Variants in TRIM51 observed in about 807,000 individuals in gnomAD.
The protein encoded by TRIM51 is tripartite motif-containing 51, also known as tripartite motif-containing protein 51.
Under a neutral mutation model 32.7 loss-of-function variants are expected in TRIM51, and 23 were observed. That is an observed-to-expected ratio of 0.70 (90% CI 0.51 to 1.00). TRIM51 has a LOEUF of 1.00. Ranked by LOEUF, TRIM51 falls within the 50% of genes least tolerant of loss-of-function variation. The pLI is 0.00. For synonymous variants in TRIM51, 177 were observed against 181.9 expected (o/e 0.97, Z 0.22); for missense variants, 592 against 539.2 (o/e 1.10, Z -0.97).
chr11:55,887,243 C>T (rs138722707), intron 3 of TRIM51, among the ~76,000 whole-genome samples: 1,653 of 151,678 alleles, frequency 0.011, 32 homozygotes, highest in African/African-American at 0.038. Context: ...TGTATATCCT[C>T]CTGTTTGCCT....
rs778576433 is a variant in TRIM51, at chr11:55,888,065, G to C, written c.541G>C (p.Ala181Pro). 2 of 1,612,774 alleles carry C rather than the reference G, an allele frequency of 1.2e-6. No individual in the cohort carries two copies. Among genetic ancestry groups the C allele is most frequent in the Non-Finnish European group, 8.5e-7 (1 of 1,178,932 alleles). The change falls in exon 4 of 7, where the codon GCT (alanine) becomes CCT (proline). Residue 181 changes from alanine (A) to proline (P), a missense_variant. Ala to Pro is a conservative substitution (Grantham distance 27). Coordinates refer to ENST00000449290, the MANE Select transcript of TRIM51 (RefSeq NM_032681.4). Reference protein sequence around the residue: ...YVSLRIEAIRAEYQKMPAFLH... With the variant: ...YVSLRIEAIRPEYQKMPAFLH... ...GAGTTTAAGGATAGAAGCAATCAGA[G>C]CTGAATATCAGAAGATGCCTGCATT...
rs1420922232 is a variant in TRIM51, at chr11:55,891,365, G to A, written c.1092G>A (p.Glu364=). The stretch of plus-strand genomic sequence containing the variant: ...GTGTCTGTAACAATTATTGGAAAGA[G>A]AAGAGACAGAATGACAAGATAGATG... ...AFGVCNNYWK[E]KRQNDKIDGE... Residue 364 remains glutamate, a synonymous_variant, in exon 7 of 7, where the codon GAG becomes GAA. Transcript: ENST00000449290. The A allele has an allele frequency of 1.2e-6, 2 of 1,612,110 alleles. No homozygotes were observed. The highest frequency in any genetic ancestry group is 2.2e-5 in the East Asian group (1 of 44,876).
At position 55,885,690 on chromosome 11, in the gene TRIM51, T is replaced by G; in HGVS notation, c.262T>G (p.Ser88Ala). Reference protein sequence around the residue: ...RKASLRQFLSSEEQICGMHRE... With the variant: ...RKASLRQFLSAEEQICGMHRE... ...AGCCAGCCTCCGGCAATTCCTTAGC[T>G]CTGAGGAGCAAATATGTGGGATGCA... Residue 88 changes from serine to alanine, a missense_variant, in exon 2 of 7, where the codon TCT becomes GCT. Coordinates refer to ENST00000449290, the MANE Select transcript of TRIM51 (RefSeq NM_032681.4). 6.2e-7 allele frequency: 1 copy of G among 1,611,424 alleles called. No individual in the cohort carries two copies. The highest frequency in any genetic ancestry group is 8.5e-7 in the Non-Finnish European group (1 of 1,179,572).
At chr11:55,887,462 G>C (rs962532250) in intron 3 of TRIM51, among the ~76,000 whole-genome samples, 1 of 151,602 alleles carries the variant, frequency 6.6e-6, no homozygotes, top group Non-Finnish European at 1.5e-5. Flanking sequence ...AATAATTCTA[G>C]GTATAGAAAA....
chr11:55,884,518 A>T (rs1247470277), intron 1 of TRIM51, among the ~76,000 whole-genome samples: 1 of 151,986 alleles, frequency 6.6e-6, no homozygotes, highest in Non-Finnish European at 1.5e-5. Context: ...CAGGAGAAAG[A>T]GAGGAAACTG....
intron 2 of TRIM51, 131 bp downstream of exon 2, chr11:55,885,970 C>G (rs1413176090): frequency 2.0e-6 from 3 of 1,501,880 alleles, no homozygotes; most frequent in Non-Finnish European, 1.8e-6. Context: ...TCCTTGACTT[C>G]ACACCTCTCA....
chr11:55,885,802 T>G lies in TRIM51; in HGVS notation c.374T>G (p.Ile125Arg), dbSNP rs746970329. The change falls in exon 2 of 7, where the codon ATA becomes AGA. Residue 125 changes from isoleucine (I) to arginine (R), a missense_variant. Coordinates refer to ENST00000449290, the MANE Select transcript of TRIM51 (RefSeq NM_032681.4). ...AACTCTCAGGAGCACCGGAATCACA[T>G]ACACTGTCCCATTGAGTGGGCTGCT... ...CSNSQEHRNH[I>R]HCPIEWAAEE... 1.1e-4 allele frequency: 170 copies of G among 1,611,492 alleles called. 1 individual carries two copies. Among genetic ancestry groups the G allele is most frequent in the African/African-American group, 3.6e-4 (27 of 74,818 alleles).
chr11:55,891,265 G>A lies in TRIM51; in HGVS notation c.992G>A (p.Trp331Ter). ...GGAAAATCTGAATGTTTTCTTGTAT[G>A]GGGGGCTCAGGCTTTCACATCTGGC... is the stretch of plus-strand genomic sequence containing the variant. ...ITGKSECFLV[W>*]GAQAFTSGKY... The change falls in exon 7 of 7, where the codon TGG becomes TAG. Residue 331 changes from tryptophan (W) to a stop codon, truncating the protein, a stop_gained. Transcript: ENST00000449290. LOFTEE classifies it low-confidence loss of function (END_TRUNC). 1 of 1,609,182 alleles carries A rather than the reference G, an allele frequency of 6.2e-7. No homozygotes were observed. Among genetic ancestry groups the A allele is most frequent in the Non-Finnish European group, 8.5e-7 (1 of 1,179,702 alleles).
At chr11:55,888,833 G>A (rs530397850) in intron 4 of TRIM51, 146 bp from the exon 5 acceptor site, 2 of 768,686 alleles carry the variant, frequency 2.6e-6, no homozygotes, top group South Asian at 1.5e-5. Context: ...GGATTGTCAT[G>A]AGAAAAGAAA....
chr11:55,889,913 A>T (rs763490413), intron 5 of TRIM51, 29 bp from the exon 6 acceptor site: 3 of 1,524,186 alleles, frequency 2.0e-6, no homozygotes, highest in Non-Finnish European at 2.7e-6. Context: ...TTGGCTGTAG[A>T]TGTGATAACC....
intron 4 of TRIM51, among the ~76,000 whole-genome samples, chr11:55,888,770 T>C (rs1325715406): frequency 2.0e-5 from 3 of 152,134 alleles, no homozygotes; most frequent in Admixed American, 6.5e-5. Flanking sequence ...GAAGAGAATG[T>C]CTTCAAGACT....
chr11:55,891,460 C>A lies in TRIM51; in HGVS notation c.1187C>A (p.Pro396Gln), dbSNP rs772244665. 2.5e-6 allele frequency: 4 copies of A among 1,613,018 alleles called. No individual in the cohort carries two copies. The East Asian group carries it at 6.7e-5, about 27-fold the overall frequency. ...DTHCSLFTTS[P>Q]LVVQYVPRPT... Reference sequence around the variant, plus strand: ...CACTGCAGTCTCTTTACCACCTCCCCACTTGTGGTGCAATATGTTCCAAGA... The same window carrying A: ...CACTGCAGTCTCTTTACCACCTCCCAACTTGTGGTGCAATATGTTCCAAGA... Residue 396 changes from proline to glutamine, a missense_variant, in exon 7 of 7, where the codon CCA becomes CAA. Physicochemically the swap from Pro to Gln is moderately conservative, Grantham distance 76 (BLOSUM62 -1). Transcript: ENST00000449290.
rs374305716 is a variant in TRIM51, at chr11:55,888,304, A to G, written c.738+42A>G. On this transcript the variant is annotated intron_variant, in intron 4 of 6. Transcript: ENST00000449290. ...GGGTATCATGATGTTGAACATTCAC[A>G]TACATGGGTGTTTTTCCTCTCTCCT... is the stretch of plus-strand genomic sequence containing the variant. The G allele has an allele frequency of 2.1e-4, 309 of 1,455,020 alleles. 1 individual carries two copies. The highest frequency in any genetic ancestry group is 2.7e-4 in the Non-Finnish European group (278 of 1,036,968). The allele number at this position is 1,455,020 out of a possible 1,614,324, so 90.1% of individuals were successfully genotyped here.
chr11:55,885,314 C>T (rs1309479405), intron 1 of TRIM51, 111 bp from the exon 2 acceptor site: 9 of 1,105,550 alleles, frequency 8.1e-6, no homozygotes, highest in African/African-American at 3.2e-5. Flanking sequence ...TAGTTTGTTC[C>T]GCTTTAATGA....
intron 5 of TRIM51, among the ~76,000 whole-genome samples, chr11:55,889,294 C>G (rs886148180): frequency 6.6e-6 from 1 of 151,910 alleles, no homozygotes; most frequent in African/African-American, 2.4e-5. Context: ...TCCTAATTTC[C>G]TTTTTATTGC....
intron 3 of TRIM51, among the ~76,000 whole-genome samples, chr11:55,886,816 G>C (rs976558879): frequency 2.6e-5 from 4 of 152,140 alleles, no homozygotes; most frequent in East Asian, 1.9e-4. Flanking sequence ...ATAAGGAGAA[G>C]TCTAAGGACT....
Position 55,888,211 on chromosome 11 carries a change from G to A in TRIM51, c.687G>A (p.Met229Ile), listed in dbSNP as rs1854601943. ...ATTCCAGGGAGCTTTTAAGAGGAAT[G>A]TATGAGGATCTGAAGCAAATGTGCC... ...MEHSRELLRG[M>I]YEDLKQMCHK... Residue 229 changes from methionine to isoleucine, a missense_variant, in exon 4 of 7, where the codon ATG becomes ATA. Coordinates refer to ENST00000449290, the MANE Select transcript of TRIM51 (RefSeq NM_032681.4). 1 of 1,613,618 alleles carries A rather than the reference G, an allele frequency of 6.2e-7. No homozygotes were observed. The highest frequency in any genetic ancestry group is 8.5e-7 in the Non-Finnish European group (1 of 1,179,634).
At chr11:55,885,100 A>G (rs1854558398) in intron 1 of TRIM51, among the ~76,000 whole-genome samples, 1 of 152,124 alleles carries the variant, frequency 6.6e-6, no homozygotes, top group Non-Finnish European at 1.5e-5. Context: ...AATAGGGACA[A>G]GCATGTTTCA....
intron 3 of TRIM51, among the ~76,000 whole-genome samples, chr11:55,886,668 A>G (rs559861993): frequency 3.3e-5 from 5 of 152,298 alleles, no homozygotes; most frequent in Non-Finnish European, 5.9e-5. Context: ...ACAACCTTAG[A>G]GAAAGCATGA....
Sources: allele counts gnomAD v4.1 joint callset (sites outside exome capture counted in the v4.1 genomes callset), GRCh38; gene constraint gnomAD v4.1.1; transcripts MANE v1.5; gene names NCBI Gene and HGNC (gene_info 2026-07-23, HGNC 2026-07-21).